Variants in EIF2B5 observed in about 807,000 individuals in gnomAD.
The protein encoded by EIF2B5 is eukaryotic translation initiation factor 2B subunit epsilon, also known as translation initiation factor eIF2B subunit epsilon.
EIF2B5 carries 38 observed loss-of-function variants against 87.3 expected under a neutral mutation model. The ratio of observed to expected loss-of-function variants is 0.44; its 90% CI spans 0.34 to 0.57. EIF2B5 has a LOEUF of 0.57. EIF2B5 is among the 20% of genes least tolerant of loss of function. The probability of loss-of-function intolerance (pLI) is 0.02; values close to 1 mark genes in which losing one functional copy is unlikely to be tolerated. For synonymous variants in EIF2B5, 313 were observed against 339.6 expected (o/e 0.92, Z 0.86); for missense variants, 784 against 909.5 (o/e 0.86, Z 1.78).
At chr3:184,136,263 A>G (rs1487221522) in intron 1 of EIF2B5, among the ~76,000 whole-genome samples, 1 of 152,270 alleles carries the variant, frequency 6.6e-6, no homozygotes, top group African/African-American at 2.4e-5. Flanking sequence ...AAAGGGATCA[A>G]GGAAGGAAAT....
intron 5 of EIF2B5, chr3:184,138,859 G>A: frequency 3.5e-6 from 1 of 283,746 alleles, no homozygotes; most frequent in Non-Finnish European, 7.0e-6. Flanking sequence ...ACGGGGTTTT[G>A]CCATGTTGTC....
chr3:184,138,228 C>A lies in EIF2B5; in HGVS notation c.747C>A (p.Ile249=), dbSNP rs752023435. 1 of 1,613,998 alleles carries A rather than the reference C, an allele frequency of 6.2e-7. No individual in the cohort carries two copies. Among genetic ancestry groups the A allele is most frequent in the East Asian group, 2.2e-5 (1 of 44,892 alleles). The change falls in exon 5 of 16, where the codon ATC becomes ATA. Residue 249 remains isoleucine, a synonymous_variant. Transcript: ENST00000648915. ...GATATGATTTACTGGATTGTCATAT[C>A]AGCATCTGTTCTCCTCAGGTGAGCT... The part of the protein sequence containing the change: ...EVRYDLLDCH[I]SICSPQVAQL...
Position 184,138,028 on chromosome 3 carries a change from C to T in EIF2B5, c.637C>T (p.Leu213Phe). The T allele has an allele frequency of 1.2e-6, 2 of 1,614,196 alleles. No individual in the cohort carries two copies. Among genetic ancestry groups the T allele is most frequent in the African/African-American group, 2.7e-5 (2 of 75,060 alleles). Reference protein sequence around the residue: ...VAVDSTTNRVLHFQKTQGLRR... With the variant: ...VAVDSTTNRVFHFQKTQGLRR... ...TGTGGATAGTACCACAAACAGGGTTCTCCATTTTCAGAAGACCCAGGGTCT... is the reference window on the plus strand; with the variant it reads ...TGTGGATAGTACCACAAACAGGGTTTTCCATTTTCAGAAGACCCAGGGTCT... Residue 213 changes from leucine (L) to phenylalanine (F), a missense_variant, in exon 4 of 16, where the codon CTC becomes TTC. Physicochemically the swap from Leu to Phe is conservative, Grantham distance 22. Coordinates refer to ENST00000648915, the MANE Select transcript of EIF2B5 (RefSeq NM_003907.3).
chr3:184,140,344 A>G (rs1351246422), intron 6 of EIF2B5, 74 bp from the exon 7 acceptor site: 14 of 1,543,130 alleles, frequency 9.1e-6, no homozygotes, highest in Non-Finnish European at 1.3e-5. Flanking sequence ...ACTTAAAAGG[A>G]TTAGAAAAGT....
rs1248678590 is a variant in EIF2B5, at chr3:184,142,354, G to C, written c.1420G>C (p.Glu474Gln). Residue 474 changes from glutamate (E) to glutamine (Q), a missense_variant, in exon 9 of 16, where the codon GAA becomes CAA. This residue lies in a region of EIF2B5 where 660 missense variants were observed against 789.5 expected (regional missense o/e 0.84). Transcript: ENST00000648915. The surrounding 1 kb of genome is among the most constrained non-coding windows in gnomAD (Gnocchi z 5.0). ...EFSDDSGADQ[E>Q]KDKVKMKGYN... ...CAGTGATGATTCTGGGGCTGACCAAGAAAAGGACAAAGTGAAGATGAAAGG... is the reference window on the plus strand; with the variant it reads ...CAGTGATGATTCTGGGGCTGACCAACAAAAGGACAAAGTGAAGATGAAAGG... The C allele has an allele frequency of 1.2e-6, 2 of 1,614,048 alleles. No individual in the cohort carries two copies. The highest frequency in any genetic ancestry group is 1.3e-5 in the African/African-American group (1 of 74,914).
chr3:184,139,131 G>A (rs1245948204), intron 5 of EIF2B5, among the ~76,000 whole-genome samples: 5 of 151,626 alleles, frequency 3.3e-5, no homozygotes, highest in Admixed American at 1.3e-4. Context: ...CACCACATCC[G>A]GCTATTTTTT....
In EIF2B5 at chr3:184,142,316, A is replaced by G; in HGVS notation, c.1382A>G (p.Asp461Gly). ...CCTCCAGATGCAGAGGAAGATGAAG[A>G]TGATGGCGAGTTCAGTGATGATTCT... ...LHPPDAEEDE[D>G]DGEFSDDSGA... is the part of the protein sequence containing the mutation. Residue 461 changes from aspartate (D) to glycine (G), a missense_variant, in exon 9 of 16, where the codon GAT (aspartate) becomes GGT (glycine). By Grantham distance (94) the Asp-to-Gly change is moderately conservative. Coordinates refer to ENST00000648915, the MANE Select transcript of EIF2B5 (RefSeq NM_003907.3). This position sits in a 1 kb window ranked among gnomAD's most constrained non-coding sequence, Gnocchi z 5.0. 1 of 1,614,094 alleles carries G rather than the reference A, an allele frequency of 6.2e-7. No homozygotes were observed. The highest frequency in any genetic ancestry group is 8.5e-7 in the Non-Finnish European group (1 of 1,180,000).
chr3:184,143,035 C>A lies in EIF2B5; in HGVS notation c.1655-17C>A. On this transcript the variant is annotated splice_polypyrimidine_tract_variant and intron_variant, in intron 11 of 15. Coordinates refer to ENST00000648915, the MANE Select transcript of EIF2B5 (RefSeq NM_003907.3). ...GAATGATGTTGGCCCATGAACTTAT[C>A]CTTGCTTTGATTTCAGTGTTCCAGA... 6.2e-7 allele frequency: 1 copy of A among 1,611,170 alleles called. No homozygotes were observed. Among genetic ancestry groups the A allele is most frequent in the Non-Finnish European group, 8.5e-7 (1 of 1,178,400 alleles).
rs2971409 is a variant in EIF2B5, at chr3:184,137,990, A to G, written c.599A>G (p.Asn200Ser). 1 of 1,614,084 alleles carries G rather than the reference A, an allele frequency of 6.2e-7. No individual in the cohort carries two copies. The highest frequency in any genetic ancestry group is 1.3e-5 in the African/African-American group (1 of 74,930). The change falls in exon 4 of 16, where the codon AAT (asparagine) becomes AGT (serine). Residue 200 changes from asparagine (N) to serine (S), a missense_variant. Coordinates refer to ENST00000648915, the MANE Select transcript of EIF2B5 (RefSeq NM_003907.3). ...CACCCAACTCGTTGCCACGAAGACAATGTGGTAGTGGCTGTGGATAGTACC... is the reference window on the plus strand; with the variant it reads ...CACCCAACTCGTTGCCACGAAGACAGTGTGGTAGTGGCTGTGGATAGTACC... ...PSHPTRCHED[N>S]VVVAVDSTTN... is the part of the protein sequence containing the mutation.
At position 184,142,095 on chromosome 3, in the gene EIF2B5, C is replaced by T. The variant is rs760943887; in HGVS notation, c.1302+25C>T. ...GGTGAGACCTGATCTATACTGTGCA[C>T]AGGCCCTGAATTGCATGGCAGTCAC... On this transcript the variant is annotated intron_variant, in intron 8 of 15. Transcript: ENST00000648915. The surrounding 1 kb of genome is among the most constrained non-coding windows in gnomAD (Gnocchi z 5.0). 5 of 1,614,040 alleles carry T rather than the reference C, an allele frequency of 3.1e-6. No individual in the cohort carries two copies. In the Admixed American group the frequency reaches 5.0e-5, roughly 16 times the overall value.
At chr3:184,144,503 G>C (rs909333896) in intron 14 of EIF2B5, 94 bp from the exon 15 acceptor site, 7 of 1,192,836 alleles carry the variant, frequency 5.9e-6, no homozygotes, top group Non-Finnish European at 8.7e-6. Context: ...TTTTGGAGGA[G>C]GCTACTCAGT....
rs780833561 is a variant in EIF2B5 at position 184,144,145 on chromosome 3, C to T, written c.1916C>T (p.Ala639Val). The T allele has an allele frequency of 6.2e-7, 1 of 1,614,228 alleles. No individual in the cohort carries two copies. Among genetic ancestry groups the T allele is most frequent in the South Asian group, 1.1e-5 (1 of 91,084 alleles). Residue 639 changes from alanine to valine, a missense_variant, in exon 14 of 16, where the codon GCA becomes GTA. This residue lies in a region of EIF2B5 where 660 missense variants were observed against 789.5 expected (regional missense o/e 0.84). Coordinates refer to ENST00000648915, the MANE Select transcript of EIF2B5 (RefSeq NM_003907.3). ...SPVFRNYIKR[A>V]ADHLEALAAI... ...GTTTTTAGGAACTACATAAAGCGCG[C>T]AGCCGACCATTTGGAAGCGTTAGCA...
chr3:184,135,754 T>C, intron 1 of EIF2B5, 174 bp downstream of exon 1: 1 of 872,762 alleles, frequency 1.1e-6, no homozygotes, highest in East Asian at 2.7e-5. Flanking sequence ...ACCAAGTTAG[T>C]GGCCGGCAGA....
At position 184,135,587 on chromosome 3, in the gene EIF2B5, G is replaced by T. The variant is rs2109005721; in HGVS notation, c.195+7G>T. 2 of 1,579,990 alleles carry T rather than the reference G, an allele frequency of 1.3e-6. No homozygotes were observed. Among genetic ancestry groups the T allele is most frequent in the Non-Finnish European group, 1.7e-6 (2 of 1,164,360 alleles). ...CTCCAAGGACCAGCCTCGGGTGAGC[G>T]CCGCGCACGCGAGCAGCCAGAGGGC... On this transcript the variant is annotated splice_region_variant and intron_variant, in intron 1 of 15. Transcript: ENST00000648915.
chr3:184,143,007 T>C, intron 11 of EIF2B5, 45 bp from the exon 12 acceptor site: 1 of 1,598,102 alleles, frequency 6.3e-7, no homozygotes, highest in Non-Finnish European at 8.6e-7. Context: ...CTTAGAGCAT[T>C]CTGAATGATG....
intron 12 of EIF2B5, 81 bp downstream of exon 12, chr3:184,143,223 A>G: frequency 6.5e-7 from 1 of 1,532,194 alleles, no homozygotes; most frequent in Non-Finnish European, 8.9e-7. Context: ...GTCTCCAAAT[A>G]GGAACCTATT....
intron 14 of EIF2B5, 148 bp downstream of exon 14, chr3:184,144,372 G>A: frequency 7.2e-7 from 1 of 1,388,042 alleles, no homozygotes; most frequent in South Asian, 1.2e-5. Context: ...GTACAGCTTG[G>A]AGCCGGACTA....
At chr3:184,144,330 C>T in intron 14 of EIF2B5, 106 bp downstream of exon 14, 2 of 1,530,468 alleles carry the variant, frequency 1.3e-6, no homozygotes, top group South Asian at 1.1e-5. Flanking sequence ...CAGTATGGAC[C>T]ATCCACTCCC....
rs1713752465 is a variant in EIF2B5, at chr3:184,143,980, C to G, written c.1870-119C>G. The G allele has an allele frequency of 2.0e-6, 3 of 1,479,184 alleles. No individual in the cohort carries two copies. The South Asian group carries it at 3.4e-5, about 17-fold the overall frequency. 91.6% of individuals were successfully genotyped at this position (1,479,184 alleles called of 1,614,324 possible). A position where few individuals can be genotyped will look rare whatever the true frequency, so the allele number is the denominator to read the frequency against. Reference sequence around the variant, plus strand: ...ACTCCCAAGTCCCTCTGACATAATTCCACAGAACCTGTATCATCTCCCTTT... The same window carrying G: ...ACTCCCAAGTCCCTCTGACATAATTGCACAGAACCTGTATCATCTCCCTTT... On this transcript the variant is annotated intron_variant, in intron 13 of 15. Coordinates refer to ENST00000648915, the MANE Select transcript of EIF2B5 (RefSeq NM_003907.3).
Sources: gnomAD v4.1 joint callset for allele counts (sites outside exome capture counted in the v4.1 genomes callset) on GRCh38, gnomAD v4.1.1 for gene constraint, gnomAD v4.1.1 regional missense constraint, Gnocchi (gnomAD v3.1) non-coding constraint, MANE v1.5 for transcripts, NCBI Gene and HGNC (gene_info 2026-07-23, HGNC 2026-07-21) for gene names.